Variants in NXPH1 observed in about 807,000 individuals in gnomAD.
NXPH1 encodes the protein neurexophilin-1.
In NXPH1, 5 loss-of-function variants were observed where a neutral mutation model predicts 23.7. The observed-to-expected ratio is 0.21, with a 90% CI of 0.11 to 0.44. The LOEUF (loss-of-function observed/expected upper bound fraction) is 0.44, where lower values mean the gene tolerates loss of function less well. Among genes scored for constraint, NXPH1 ranks in the 20% least tolerant of loss-of-function variants. The pLI, the probability that NXPH1 is intolerant of heterozygous loss-of-function variation, is 0.99. For missense variants in NXPH1, 324 were observed against 321.6 expected (o/e 1.01, Z -0.06); for synonymous variants, 144 against 122.2 (o/e 1.18, Z -1.18).
chr7:8,677,945 A>G (rs913896663), intron 2 of NXPH1, among the ~76,000 whole-genome samples: 4 of 151,916 alleles, frequency 2.6e-5, no homozygotes, highest in African/African-American at 9.7e-5. Flanking sequence ...ACATACATAC[A>G]TTTATATATA....
chr7:8,435,553 G>T lies in NXPH1; in HGVS notation c.-110-51G>T. ...CCCCCTTTCCCCGCTTGATTGTCAAGCCTAACCTTGCCCGCGTAGTCATGG... is the reference window on the plus strand; with the variant it reads ...CCCCCTTTCCCCGCTTGATTGTCAATCCTAACCTTGCCCGCGTAGTCATGG... On this transcript the variant is annotated intron_variant, in intron 1 of 2. Transcript: ENST00000405863. This position sits in a 1 kb window ranked among gnomAD's most constrained non-coding sequence, Gnocchi z 5.9. The T allele has an allele frequency of 1.5e-6, 1 of 656,334 alleles. No homozygotes were observed. 40.7% of individuals were successfully genotyped at this position (656,334 alleles called of 1,614,324 possible).
chr7:8,525,811 A>G (rs1001580230), intron 2 of NXPH1, among the ~76,000 whole-genome samples: 1 of 152,160 alleles, frequency 6.6e-6, no homozygotes, highest in Admixed American at 6.5e-5. Context: ...TAGATTTCAG[A>G]ATGTGTATGG....
At chr7:8,507,742 A>G (rs1321652976) in intron 2 of NXPH1, among the ~76,000 whole-genome samples, 1 of 152,108 alleles carries the variant, frequency 6.6e-6, no homozygotes, top group Non-Finnish European at 1.5e-5. Flanking sequence ...TTACCAACCC[A>G]CAAACATTTG....
chr7:8,553,627 T>A (rs1450018497), intron 2 of NXPH1, among the ~76,000 whole-genome samples: 1 of 151,584 alleles, frequency 6.6e-6, no homozygotes, highest in African/African-American at 2.4e-5. Context: ...TTAGAATATA[T>A]GTGGCAGTAA....
intron 2 of NXPH1, among the ~76,000 whole-genome samples, chr7:8,737,015 C>G (rs780724141): frequency 6.6e-6 from 1 of 151,462 alleles, no homozygotes; most frequent in Non-Finnish European, 1.5e-5. Context: ...TTATTTTGAG[C>G]GTGCGTGTGT....
chr7:8,658,029 A>G (rs1332381943), intron 2 of NXPH1, among the ~76,000 whole-genome samples: 3 of 152,226 alleles, frequency 2.0e-5, no homozygotes, highest in Admixed American at 2.0e-4. Context: ...CTCCATTTCA[A>G]CAAATAAATA....
chr7:8,587,518 G>A (rs1336215603), intron 2 of NXPH1, among the ~76,000 whole-genome samples: 2 of 152,048 alleles, frequency 1.3e-5, no homozygotes, highest in African/African-American at 2.4e-5. Context: ...TAAGTTCTGG[G>A]ATACATGTGC....
At position 8,442,077 on chromosome 7, in the gene NXPH1, C is replaced by A. The variant is rs879591232; in HGVS notation, c.54+6310C>A. On this transcript the variant is annotated intron_variant, in intron 2 of 2. Transcript: ENST00000405863. This position sits in a 1 kb window ranked among gnomAD's most constrained non-coding sequence, Gnocchi z 4.6. ...GTTGGGACGGCACAAGCAGTGGGGT[C>A]CCAGGAGCAGCAAGACAGTAGCTCC... 2.6e-5 allele frequency among the ~76,000 whole-genome samples: 4 copies of A among 152,032 alleles called. No homozygotes were observed. Among genetic ancestry groups the A allele is most frequent in the Non-Finnish European group, 5.9e-5 (4 of 68,010 alleles).
intron 2 of NXPH1, among the ~76,000 whole-genome samples, chr7:8,624,890 T>A (rs1819954436): frequency 6.6e-6 from 1 of 152,076 alleles, no homozygotes; most frequent in South Asian, 2.1e-4. Flanking sequence ...AGACCTGGAT[T>A]CAAGTCATGA....
intron 2 of NXPH1, among the ~76,000 whole-genome samples, chr7:8,666,616 AT>A (rs1304068559): frequency 6.6e-5 from 10 of 152,042 alleles, no homozygotes; most frequent in African/African-American, 2.4e-4. Context: ...GGTATAAATT[AT>A]TCTTTAGATG....
At chr7:8,726,358 A>T (rs1159412749) in intron 2 of NXPH1, among the ~76,000 whole-genome samples, 1 of 150,354 alleles carries the variant, frequency 6.7e-6, no homozygotes, top group Non-Finnish European at 1.5e-5. Flanking sequence ...ATTATACTTT[A>T]AGTTTTAGGG....
At chr7:8,455,437 G>A (rs907119648) in intron 2 of NXPH1, among the ~76,000 whole-genome samples, 5 of 152,164 alleles carry the variant, frequency 3.3e-5, no homozygotes, top group Non-Finnish European at 7.4e-5. Context: ...AAAAGGAAAT[G>A]AGTGGATCTT....
intron 2 of NXPH1, among the ~76,000 whole-genome samples, chr7:8,465,395 C>G (rs1268711710): frequency 6.6e-6 from 1 of 152,120 alleles, no homozygotes; most frequent in Non-Finnish European, 1.5e-5. Context: ...GGATTAATTA[C>G]CTTTTATAAG....
At chr7:8,547,305 T>C (rs1330098447) in intron 2 of NXPH1, among the ~76,000 whole-genome samples, 1 of 151,362 alleles carries the variant, frequency 6.6e-6, no homozygotes, top group East Asian at 2.0e-4. Context: ...ACATATAGAT[T>C]ACGAGAATAT....
chr7:8,563,512 A>T (rs1056769369), intron 2 of NXPH1, among the ~76,000 whole-genome samples: 1 of 151,802 alleles, frequency 6.6e-6, no homozygotes, highest in African/African-American at 2.4e-5. Flanking sequence ...TATTGATGAC[A>T]TAGGAAAGGA....
intron 2 of NXPH1, among the ~76,000 whole-genome samples, chr7:8,696,838 C>G (rs148169573): frequency 2.8e-5 from 1 of 35,272 alleles, no homozygotes; most frequent in Non-Finnish European, 6.1e-5. Flanking sequence ...AAGACTCCCT[C>G]TCAAAAAAAA....
chr7:8,452,130 G>C (rs1244168900), intron 2 of NXPH1, among the ~76,000 whole-genome samples: 1 of 152,194 alleles, frequency 6.6e-6, no homozygotes, highest in African/African-American at 2.4e-5. Flanking sequence ...ATGGAACTTT[G>C]TCAGTGATTC....
intron 2 of NXPH1, among the ~76,000 whole-genome samples, chr7:8,598,739 A>T (rs1819287125): frequency 6.6e-6 from 1 of 152,176 alleles, no homozygotes; most frequent in Non-Finnish European, 1.5e-5. Context: ...AGGGGGATGC[A>T]AAGAGAAATA....
chr7:8,588,829 A>G (rs1371892857), intron 2 of NXPH1, among the ~76,000 whole-genome samples: 1 of 152,160 alleles, frequency 6.6e-6, no homozygotes, highest in Non-Finnish European at 1.5e-5. Context: ...GGGTGCTTAA[A>G]ATGCGATTAT....
Sources: gnomAD v4.1 joint callset for allele counts (sites outside exome capture counted in the v4.1 genomes callset) on GRCh38, gnomAD v4.1.1 for gene constraint, Gnocchi (gnomAD v3.1) non-coding constraint, MANE v1.5 for transcripts, NCBI Gene and HGNC (gene_info 2026-07-23, HGNC 2026-07-21) for gene names.